PPM1E: variants seen among roughly 807,000 people sequenced by gnomAD.
PPM1E encodes protein phosphatase 1E.
Under a neutral mutation model 65.9 loss-of-function variants are expected in PPM1E, and 20 were observed. The ratio of observed to expected loss-of-function variants is 0.30; its 90% CI spans 0.21 to 0.44. The LOEUF (loss-of-function observed/expected upper bound fraction) is 0.44, where lower values mean the gene tolerates loss of function less well. Ranked by LOEUF, PPM1E falls within the 20% of genes least tolerant of loss-of-function variation. The pLI is 1.00. For missense variants in PPM1E, 713 were observed against 953.1 expected (o/e 0.75, Z 3.32); for synonymous variants, 352 against 374.9 (o/e 0.94, Z 0.70).
chr17:58,949,577 G>A (rs1280466483), intron 1 of PPM1E, among the ~76,000 whole-genome samples: 7 of 152,078 alleles, frequency 4.6e-5, no homozygotes, highest in Admixed American at 1.3e-4. Flanking sequence ...ACTGTTTTCT[G>A]AGTATTTTGT....
chr17:58,792,314 T>C (rs1269821690), intron 1 of PPM1E, among the ~76,000 whole-genome samples: 2 of 149,778 alleles, frequency 1.3e-5, no homozygotes, highest in African/African-American at 4.9e-5. Flanking sequence ...GTATAATATA[T>C]TGTAACTAAT....
intron 1 of PPM1E, among the ~76,000 whole-genome samples, chr17:58,909,928 T>TC (rs1465719779): frequency 8.1e-5 from 11 of 135,132 alleles, no homozygotes; most frequent in East Asian, 2.0e-4. Context: ...CTTTTTCTTT[T>TC]TTTTTTTTTT....
chr17:58,928,440 C>T (rs1302107933), intron 1 of PPM1E, among the ~76,000 whole-genome samples: 1 of 151,844 alleles, frequency 6.6e-6, no homozygotes, highest in Non-Finnish European at 1.5e-5. Flanking sequence ...TAACTAAAAT[C>T]ACAACAAGAT....
intron 6 of PPM1E, among the ~76,000 whole-genome samples, chr17:58,975,828 A>G (rs2030962530): frequency 1.3e-5 from 2 of 152,196 alleles, no homozygotes. Context: ...TAGAGTAGAA[A>G]GAGCCTGGCT....
intron 1 of PPM1E, among the ~76,000 whole-genome samples, chr17:58,917,391 T>G (rs1306347073): frequency 1.1e-4 from 16 of 152,216 alleles, no homozygotes; most frequent in Admixed American, 1.0e-3. Flanking sequence ...TGTAGCACTT[T>G]TTTATGTAGC....
chr17:58,977,092 A>G (rs2031048655), intron 6 of PPM1E, among the ~76,000 whole-genome samples: 1 of 152,132 alleles, frequency 6.6e-6, no homozygotes, highest in South Asian at 2.1e-4. Flanking sequence ...TTAGCATATA[A>G]GTGAAGTTGA....
chr17:58,820,233 G>A (rs547436332), intron 1 of PPM1E, among the ~76,000 whole-genome samples: 406 of 152,082 alleles, frequency 2.7e-3, no homozygotes, highest in Non-Finnish European at 4.5e-3. Flanking sequence ...GATTTGGGTG[G>A]GGACAGAGTT....
intron 1 of PPM1E, among the ~76,000 whole-genome samples, chr17:58,945,768 A>T (rs2052141751): frequency 6.6e-6 from 1 of 152,214 alleles, no homozygotes; most frequent in Non-Finnish European, 1.5e-5. Context: ...TTGTGAAAGG[A>T]TATTATAAAG....
chr17:58,769,095 T>C (rs1365820254), intron 1 of PPM1E, among the ~76,000 whole-genome samples: 2 of 152,174 alleles, frequency 1.3e-5, no homozygotes, highest in Non-Finnish European at 2.9e-5. Context: ...ATGCATTATT[T>C]TTCACTTACT....
At chr17:58,964,173 A>G (rs2030138916) in intron 2 of PPM1E, among the ~76,000 whole-genome samples, 3 of 152,184 alleles carry the variant, frequency 2.0e-5, no homozygotes, top group Middle Eastern at 6.8e-3. Context: ...ACGTGTAGCC[A>G]TTGCCATCTG....
chr17:58,778,645 A>T (rs1313084082), intron 1 of PPM1E, among the ~76,000 whole-genome samples: 1 of 151,554 alleles, frequency 6.6e-6, no homozygotes, highest in African/African-American at 2.4e-5. Flanking sequence ...CCTGGGCTCA[A>T]GCAATCTGCC....
At chr17:58,969,448 G>C (rs2077944662) in intron 3 of PPM1E, 91 bp from the exon 4 acceptor site, 1 of 1,255,782 alleles carries the variant, frequency 8.0e-7, no homozygotes. Context: ...CAGTGGAGGA[G>C]AAAGGATGGG....
chr17:58,860,578 C>T (rs74656478), intron 1 of PPM1E, among the ~76,000 whole-genome samples: 4,193 of 152,242 alleles, frequency 0.028, 87 homozygotes, highest in Middle Eastern at 0.058. Flanking sequence ...TATACCATCC[C>T]CAATTCAAGT....
chr17:58,849,592 T>G (rs1363562709), intron 1 of PPM1E, among the ~76,000 whole-genome samples: 1 of 152,152 alleles, frequency 6.6e-6, no homozygotes, highest in Non-Finnish European at 1.5e-5. Context: ...TTCAGTGAGT[T>G]TCTTAATCCT....
intron 1 of PPM1E, among the ~76,000 whole-genome samples, chr17:58,805,994 ACAAAAC>A (rs1598582552): frequency 1.0e-4 from 12 of 118,312 alleles, no homozygotes; most frequent in African/African-American, 2.0e-4. Flanking sequence ...ACAAAACAAA[ACAAAAC>A]AAAAAAAAAA....
chr17:58,800,072 T>A (rs2050244660), intron 1 of PPM1E, among the ~76,000 whole-genome samples: 1 of 152,200 alleles, frequency 6.6e-6, no homozygotes, highest in Admixed American at 6.6e-5. Context: ...AGAAAGTAAA[T>A]CTTATTGAAT....
chr17:58,819,757 C>A (rs181392765), intron 1 of PPM1E, among the ~76,000 whole-genome samples: 1 of 151,874 alleles, frequency 6.6e-6, no homozygotes, highest in Non-Finnish European at 1.5e-5. Context: ...CATGTTGGGG[C>A]CAGGTGCAGT....
rs368322018 is a variant in PPM1E at position 58,962,011 on chromosome 17, G to A, written c.584-3683G>A. ...TTAATTTAAATAACCATGGCCGGGC[G>A]TGGTGGCTCACATCTGTAATCCCAG... On this transcript the variant is annotated intron_variant, in intron 2 of 6. Transcript: ENST00000308249. 2.4e-4 allele frequency among the ~76,000 whole-genome samples: 37 copies of A among 152,220 alleles called. 1 individual carries two copies. The South Asian group carries it at 5.4e-3, about 22-fold the overall frequency.
At chr17:58,978,119 T>G (rs543148679) in intron 6 of PPM1E, among the ~76,000 whole-genome samples, 1 of 152,304 alleles carries the variant, frequency 6.6e-6, no homozygotes, top group South Asian at 2.1e-4. Context: ...TTATCTTCAT[T>G]TTAATATTCC....
Sources: gnomAD v4.1 joint callset for allele counts (sites outside exome capture counted in the v4.1 genomes callset) on GRCh38, gnomAD v4.1.1 for gene constraint, MANE v1.5 for transcripts, NCBI Gene and HGNC (gene_info 2026-07-23, HGNC 2026-07-21) for gene names.